The following TMEM63A variants were observed in gnomAD, a reference collection of about 807,000 sequenced individuals.
The protein encoded by TMEM63A is transmembrane protein 63A.
TMEM63A carries 76 observed loss-of-function variants against 100.6 expected under a neutral mutation model. The ratio of observed to expected loss-of-function variants is 0.76; its 90% CI spans 0.63 to 0.91. TMEM63A has a LOEUF of 0.91. Among genes scored for constraint, TMEM63A ranks in the 40% least tolerant of loss-of-function variants. The pLI is 0.00. For synonymous variants in TMEM63A, 401 were observed against 401.1 expected (o/e 1.00, Z 0.00); for missense variants, 876 against 1,008.8 (o/e 0.87, Z 1.78).
intron 17 of TMEM63A, 100 bp downstream of exon 17, chr1:225,856,552 G>T: frequency 8.2e-7 from 1 of 1,223,340 alleles, no homozygotes; most frequent in Non-Finnish European, 1.2e-6. Context: ...TATTGTTAGA[G>T]GTTTGCTTCT....
intron 18 of TMEM63A, 81 bp downstream of exon 18, chr1:225,855,797 C>G: frequency 7.0e-7 from 1 of 1,436,892 alleles, no homozygotes; most frequent in Non-Finnish European, 9.7e-7. Flanking sequence ...CGACCGCCCC[C>G]ACCCATCCCA....
chr1:225,869,666 C>CTTTTCTTTTTTTTTTTTTTTTTTTTTTTT (rs76862516), intron 6 of TMEM63A, among the ~76,000 whole-genome samples: 6 of 109,914 alleles, frequency 5.5e-5, no homozygotes, highest in Non-Finnish European at 8.7e-5. Flanking sequence ...CTTTTCTTTT[C>CTTTTCTTTTTTTTTTTTTTTTTTTTTTTT]TTTTTTTTTT....
intron 4 of TMEM63A, 111 bp downstream of exon 4, chr1:225,874,177 A>T: frequency 9.2e-7 from 1 of 1,091,832 alleles, no homozygotes; most frequent in Non-Finnish European, 1.3e-6. Context: ...GGACACACAC[A>T]CACACACTAT....
In TMEM63A at chr1:225,853,882, TG is replaced by T; in HGVS notation, c.1635-92del. ...AGGCTGGGCAGGAGCAGAAAGCCCC[TG>T]GGAGGGCTGTATACTCTTCCGTTCA... On this transcript the variant is annotated intron_variant, in intron 18 of 24. Transcript: ENST00000366835. This position sits in a 1 kb window ranked among gnomAD's most constrained non-coding sequence, Gnocchi z 4.0. 7.7e-7 allele frequency: 1 copy of T among 1,298,806 alleles called. No individual in the cohort carries two copies. The allele number at this position is 1,298,806 out of a possible 1,614,324, so 80.5% of individuals were successfully genotyped here. A position where few individuals can be genotyped will look rare whatever the true frequency, so the allele number is the denominator to read the frequency against.
At chr1:225,872,527 GA>G (rs890325950) in intron 4 of TMEM63A, among the ~76,000 whole-genome samples, 1 of 152,080 alleles carries the variant, frequency 6.6e-6, no homozygotes, top group Non-Finnish European at 1.5e-5. Flanking sequence ...TCCAATTTCA[GA>G]GATGAGAAAA....
chr1:225,841,080 C>T (rs1291815572), downstream of TMEM63A: 1 of 152,216 alleles, frequency 6.6e-6, no homozygotes, highest in African/African-American at 2.4e-5. Context: ...TGAAGTACGT[C>T]CATATCACCA....
chr1:225,881,341 TCCCAAACAACA>T (rs1285776786), intron 1 of TMEM63A, among the ~76,000 whole-genome samples: 116 of 152,276 alleles, frequency 7.6e-4, no homozygotes, highest in African/African-American at 2.7e-3. Flanking sequence ...GAGGCACAGA[TCCCAAACAACA>T]CCTGTAAAGC....
At chr1:225,874,687 G>T (rs1445280895) in intron 3 of TMEM63A, among the ~76,000 whole-genome samples, 1 of 152,230 alleles carries the variant, frequency 6.6e-6, no homozygotes, top group Non-Finnish European at 1.5e-5. Flanking sequence ...ACACCACAAG[G>T]CCCAGTCTCG....
chr1:225,853,687 A>G lies in TMEM63A; in HGVS notation c.1739T>C (p.Leu580Pro), dbSNP rs376838971. 1.9e-6 allele frequency: 3 copies of G among 1,586,888 alleles called. No homozygotes were observed. The highest frequency in any genetic ancestry group is 2.6e-6 in the Non-Finnish European group (3 of 1,166,576). ...MELLRLPGLI[L>P]YTFRMIMAKT... ...GGCCATGATCATGCGGAAGGTATAGAGGATGAGACCTGGCAGCCGCAGCAG... is the reference window on the plus strand; with the variant it reads ...GGCCATGATCATGCGGAAGGTATAGGGGATGAGACCTGGCAGCCGCAGCAG... The change falls in exon 19 of 25, where the codon CTC becomes CCC. Residue 580 changes from leucine (L) to proline (P), a missense_variant. Physicochemically the swap from Leu to Pro is moderately conservative, Grantham distance 98. Transcript: ENST00000366835. The surrounding 1 kb of genome is among the most constrained non-coding windows in gnomAD (Gnocchi z 4.0).
chr1:225,848,830 C>G, intron 22 of TMEM63A, 67 bp downstream of exon 22: 1 of 1,303,698 alleles, frequency 7.7e-7, no homozygotes, highest in Admixed American at 2.0e-5. Flanking sequence ...GCGGGGTTGA[C>G]AGCGAGCCCG....
intron 6 of TMEM63A, among the ~76,000 whole-genome samples, chr1:225,870,177 C>T (rs1007618860): frequency 5.9e-5 from 9 of 151,880 alleles, no homozygotes; most frequent in African/African-American, 1.9e-4. Flanking sequence ...TGGAGAAACC[C>T]TGTCTCTACT....
intron 4 of TMEM63A, among the ~76,000 whole-genome samples, chr1:225,873,652 C>T (rs904008089): frequency 1.3e-5 from 2 of 152,186 alleles, no homozygotes; most frequent in Non-Finnish European, 1.5e-5. Context: ...TGGAGCCCCA[C>T]GCAGAACTGG....
intron 2 of TMEM63A, among the ~76,000 whole-genome samples, chr1:225,877,882 A>C (rs951404082): frequency 1.3e-5 from 2 of 152,164 alleles, no homozygotes; most frequent in African/African-American, 4.8e-5. Flanking sequence ...GGAGCAAAGG[A>C]GGGACAGAGT....
intron 9 of TMEM63A, 95 bp downstream of exon 9, chr1:225,866,479 C>A: frequency 1.8e-6 from 2 of 1,093,362 alleles, no homozygotes; most frequent in Non-Finnish European, 1.4e-6. Context: ...GAGCTCATTG[C>A]AGTCAGGGCC....
downstream of TMEM63A, among the ~76,000 whole-genome samples, chr1:225,843,362 G>A (rs1668596239): frequency 1.3e-5 from 2 of 152,190 alleles, no homozygotes; most frequent in African/African-American, 4.8e-5. Context: ...CTTGGAAAGG[G>A]TGGCTTGTCC....
At chr1:225,850,608 C>A (rs540617734) in intron 20 of TMEM63A, among the ~76,000 whole-genome samples, 17 of 152,298 alleles carry the variant, frequency 1.1e-4, no homozygotes, top group Non-Finnish European at 2.1e-4. Context: ...GTCATTTAGT[C>A]TGTACTAAAT....
exon 25 of TMEM63A, chr1:225,845,534 GCTTTGATGATAAACGAC>G (rs1668903704): frequency 1.6e-6 from 1 of 632,350 alleles, no homozygotes; most frequent in Admixed American, 2.8e-5. Context: ...AAGCAACATG[GCTTTGATGATAAACGAC>G]TTTACTCTAA....
At chr1:225,852,858 TGGA>T in intron 19 of TMEM63A, 89 bp from the exon 20 acceptor site, 1 of 1,196,252 alleles carries the variant, frequency 8.4e-7, no homozygotes, top group African/African-American at 1.5e-5. Flanking sequence ...GAGAGCAGGG[TGGA>T]GGAGGACTTT....
chr1:225,849,868 G>A, intron 21 of TMEM63A, 44 bp downstream of exon 21: 2 of 1,601,790 alleles, frequency 1.2e-6, no homozygotes, highest in African/African-American at 1.3e-5. Flanking sequence ...GGGATGCAGG[G>A]CTGGGAGGCC....
Sources: gnomAD v4.1 joint callset for allele counts (sites outside exome capture counted in the v4.1 genomes callset) on GRCh38, gnomAD v4.1.1 for gene constraint, Gnocchi (gnomAD v3.1) non-coding constraint, MANE v1.5 for transcripts, NCBI Gene and HGNC (gene_info 2026-07-23, HGNC 2026-07-21) for gene names.